TTLL11: variants seen among roughly 807,000 people sequenced by gnomAD.
The protein encoded by TTLL11 is tubulin tyrosine ligase like 11, also known as tubulin polyglutamylase TTLL11.
Under a neutral mutation model 51.7 loss-of-function variants are expected in TTLL11, and 42 were observed. The ratio of observed to expected loss-of-function variants is 0.81; its 90% CI spans 0.64 to 1.05. TTLL11 has a LOEUF of 1.05. Among genes scored for constraint, TTLL11 ranks in the 50% least tolerant of loss-of-function variants. The pLI is 0.00. For synonymous variants in TTLL11, 381 were observed against 383.5 expected (o/e 0.99, Z 0.08); for missense variants, 799 against 940.4 (o/e 0.85, Z 1.97).
intron 6 of TTLL11, among the ~76,000 whole-genome samples, chr9:121,902,683 C>T (rs1051318047): frequency 6.6e-6 from 1 of 151,710 alleles, no homozygotes; most frequent in Admixed American, 6.6e-5. Flanking sequence ...AAGTCATCAG[C>T]AAGCCCTCCA....
rs1437489263 is a variant in TTLL11 at position 121,974,930 on chromosome 9, A to G, written c.1319T>C (p.Leu440Pro). 3.2e-6 allele frequency: 5 copies of G among 1,543,196 alleles called. No individual in the cohort carries two copies. In the African/African-American group the frequency reaches 6.9e-5, roughly 21 times the overall value. Reference protein sequence around the residue: ...LLMKNLKPILLEVNANPSMRI... With the variant: ...LLMKNLKPILPEVNANPSMRI... ...CATACTGGGATTTGCATTTACTTCAAGTAGTATAGGCTTCAGATTTTTCAT... is the reference window on the plus strand; with the variant it reads ...CATACTGGGATTTGCATTTACTTCAGGTAGTATAGGCTTCAGATTTTTCAT... Residue 440 changes from leucine (L) to proline (P), a missense_variant, in exon 5 of 9, where the codon CTT becomes CCT. By Grantham distance (98) the Leu-to-Pro change is moderately conservative (BLOSUM62 -3). Coordinates refer to ENST00000321582, the MANE Select transcript of TTLL11 (RefSeq NM_001139442.2).
intron 6 of TTLL11, among the ~76,000 whole-genome samples, chr9:121,908,191 A>T (rs573716566): frequency 6.6e-6 from 1 of 152,338 alleles, no homozygotes; most frequent in African/African-American, 2.4e-5. Flanking sequence ...TGGGTGACTC[A>T]GATTCCAGTC....
intron 6 of TTLL11, among the ~76,000 whole-genome samples, chr9:121,937,293 A>G (rs564360157): frequency 3.9e-4 from 60 of 152,352 alleles, no homozygotes; most frequent in African/African-American, 1.4e-3. Flanking sequence ...ATCACATACA[A>G]TCAGATGTAG....
intron 4 of TTLL11, among the ~76,000 whole-genome samples, chr9:121,981,701 T>C (rs1180841293): frequency 6.6e-6 from 1 of 152,244 alleles, no homozygotes; most frequent in Non-Finnish European, 1.5e-5. Context: ...AGTCAGTTAT[T>C]TGCAAATCAG....
At chr9:121,927,628 AT>A (rs59367881) in intron 6 of TTLL11, among the ~76,000 whole-genome samples, 6,001 of 144,048 alleles carry the variant, frequency 0.042, 267 homozygotes, top group African/African-American at 0.12. Flanking sequence ...AGAAGGTGGC[AT>A]TTTTTTTTTT....
intron 1 of TTLL11, among the ~76,000 whole-genome samples, chr9:122,053,539 G>C (rs1845217697): frequency 1.3e-5 from 2 of 152,122 alleles, no homozygotes; most frequent in South Asian, 4.1e-4. Flanking sequence ...GCCCAAGCAG[G>C]GCTGTGTCAG....
Position 121,822,227 on chromosome 9 carries a change from C to T in TTLL11, c.*360G>A, listed in dbSNP as rs1451375159. 2.5e-5 allele frequency: 4 copies of T among 160,408 alleles called. No individual in the cohort carries two copies. The East Asian group carries it at 7.0e-4, about 28-fold the overall frequency. 9.9% of individuals were successfully genotyped at this position (160,408 alleles called of 1,614,324 possible). A position where few individuals can be genotyped will look rare whatever the true frequency, so the allele number is the denominator to read the frequency against. ...AGATCCTAACACTCGGCTTCCTCTC[C>T]ACAGCTCCGGGCCTTGGGATCGATT... On this transcript the variant is annotated 3_prime_UTR_variant, in exon 9 of 9. Coordinates refer to ENST00000321582, the MANE Select transcript of TTLL11 (RefSeq NM_001139442.2). The surrounding 1 kb of genome is among the most constrained non-coding windows in gnomAD (Gnocchi z 5.8).
At chr9:121,980,760 C>T (rs923712779) in intron 4 of TTLL11, among the ~76,000 whole-genome samples, 29 of 152,204 alleles carry the variant, frequency 1.9e-4, no homozygotes, top group African/African-American at 6.8e-4. Flanking sequence ...GGAACCAACA[C>T]AAATGTCCAT....
chr9:122,084,590 C>A (rs72767757), intron 1 of TTLL11, among the ~76,000 whole-genome samples: 6,046 of 152,288 alleles, frequency 0.04, 160 homozygotes, highest in Non-Finnish European at 0.062. Flanking sequence ...GGATGGCAAG[C>A]TGATCTGCCT....
In TTLL11 at chr9:121,974,924, ACTTCAAGTAGTATAGG is replaced by A; in HGVS notation, c.1309_1324del (p.Pro437Ter). On this transcript the variant is annotated frameshift_variant, in exon 5 of 9. Transcript: ENST00000321582. LOFTEE classifies it high-confidence loss of function. ...GATTCTCATACTGGGATTTGCATTT[ACTTCAAGTAGTATAGG>A]CTTCAGATTTTTCATTAGAAGAATG... is the stretch of plus-strand genomic sequence containing the variant. 6.5e-7 allele frequency: 1 copy of A among 1,544,130 alleles called. No homozygotes were observed. The highest frequency in any genetic ancestry group is 8.7e-7 in the Non-Finnish European group (1 of 1,145,560).
intron 3 of TTLL11, among the ~76,000 whole-genome samples, chr9:122,002,131 G>A (rs1843487516): frequency 3.3e-5 from 5 of 152,204 alleles, no homozygotes; most frequent in Admixed American, 3.3e-4. Flanking sequence ...AGGACCTTGG[G>A]CTAAGCCCCC....
intron 3 of TTLL11, among the ~76,000 whole-genome samples, chr9:122,013,487 C>T (rs971419650): frequency 1.3e-5 from 2 of 152,134 alleles, no homozygotes; most frequent in South Asian, 2.1e-4. Context: ...GAGGAAATGG[C>T]GGCAAGGGCA....
intron 6 of TTLL11, among the ~76,000 whole-genome samples, chr9:121,896,309 C>T (rs1321463416): frequency 6.6e-6 from 1 of 152,190 alleles, no homozygotes; most frequent in African/African-American, 2.4e-5. Flanking sequence ...CTTTCCGGGG[C>T]TAGGTGGCTT....
chr9:122,045,508 G>A (rs539730866), intron 1 of TTLL11, among the ~76,000 whole-genome samples: 18 of 151,872 alleles, frequency 1.2e-4, no homozygotes, highest in South Asian at 2.1e-4. Flanking sequence ...CCAAGATCAC[G>A]CCACTGCACT....
At chr9:121,844,409 C>A (rs1324851033) in intron 8 of TTLL11, among the ~76,000 whole-genome samples, 2 of 152,186 alleles carry the variant, frequency 1.3e-5, no homozygotes, top group Non-Finnish European at 2.9e-5. Context: ...TAAAACCTCA[C>A]ACTGAAAGCC....
intron 6 of TTLL11, among the ~76,000 whole-genome samples, chr9:121,924,681 C>T (rs565311904): frequency 2.7e-5 from 4 of 150,392 alleles, no homozygotes; most frequent in South Asian, 2.1e-4. Flanking sequence ...ACAGTGAAAA[C>T]GGGCACTTCC....
intron 3 of TTLL11, among the ~76,000 whole-genome samples, chr9:122,012,663 T>C (rs12002672): frequency 0.17 from 12,700 of 73,984 alleles, 1,107 homozygotes; most frequent in African/African-American, 0.43. Context: ...AAAATACACA[T>C]ACACACACAC....
intron 6 of TTLL11, among the ~76,000 whole-genome samples, chr9:121,896,421 G>T (rs1252920945): frequency 1.3e-5 from 2 of 152,152 alleles, no homozygotes; most frequent in East Asian, 3.9e-4. Flanking sequence ...CACAGCCCCA[G>T]CTGCTGCCCT....
intron 8 of TTLL11, among the ~76,000 whole-genome samples, chr9:121,847,320 T>C (rs998731651): frequency 6.6e-6 from 1 of 150,488 alleles, no homozygotes; most frequent in Non-Finnish European, 1.5e-5. Flanking sequence ...AGCCTTAAGA[T>C]CAATAAAATT....
Sources: allele counts gnomAD v4.1 joint callset (sites outside exome capture counted in the v4.1 genomes callset), GRCh38; gene constraint gnomAD v4.1.1; non-coding constraint Gnocchi (gnomAD v3.1); transcripts MANE v1.5; gene names NCBI Gene and HGNC (gene_info 2026-07-23, HGNC 2026-07-21).